The following TBL1Y variants were observed in gnomAD, a reference collection of about 807,000 sequenced individuals.
TBL1Y encodes the protein transducin beta like 1 Y-linked.
In TBL1Y, 15 loss-of-function variants were observed where a neutral mutation model predicts 12.0. That is an observed-to-expected ratio of 1.25 (90% CI 0.83 to 1.92). The LOEUF is 1.92. TBL1Y is among the 40% of genes most tolerant of loss of function. The probability of loss-of-function intolerance (pLI) is 0.00; values close to 1 mark genes in which losing one functional copy is unlikely to be tolerated. For synonymous variants in TBL1Y, 53 were observed against 42.6 expected (o/e 1.24, Z -0.95); for missense variants, 148 against 116.7 (o/e 1.27, Z -1.24).
At chrY:6,929,237 A>G (rs1020615632) in intron 2 of TBL1Y, among the ~76,000 whole-genome samples, 5 of 32,880 alleles carry the variant, frequency 1.5e-4, no homozygotes, top group Non-Finnish European at 3.8e-4. Context: ...GTCCATCAAC[A>G]TGCTGTCCAT....
At chrY:6,961,820 T>G in intron 2 of TBL1Y, among the ~76,000 whole-genome samples, 1 of 33,774 alleles carries the variant, frequency 3.0e-5, no homozygotes. Context: ...AGTTATGGCC[T>G]GTCCTTGGGG....
At chrY:6,937,444 G>A (rs2011911613) in intron 2 of TBL1Y, among the ~76,000 whole-genome samples, 1 of 32,932 alleles carries the variant, frequency 3.0e-5, no homozygotes, top group African/African-American at 1.2e-4. Flanking sequence ...GGTGGCAGAC[G>A]CCTATAATTT....
intron 2 of TBL1Y, among the ~76,000 whole-genome samples, chrY:6,951,359 T>A (rs2012023338): frequency 3.0e-5 from 1 of 33,249 alleles, no homozygotes; most frequent in Non-Finnish European, 7.4e-5. Context: ...CAATTTCAGA[T>A]CCTGTTATTG....
chrY:6,952,076 G>A (rs2012032404), intron 2 of TBL1Y, among the ~76,000 whole-genome samples: 2 of 32,902 alleles, frequency 6.1e-5, no homozygotes, highest in Non-Finnish European at 1.5e-4. Context: ...TACATTTGCC[G>A]AGGAGTGCTT....
At chrY:7,035,595 A>G (rs2012687461) in intron 6 of TBL1Y, among the ~76,000 whole-genome samples, 1 of 34,179 alleles carries the variant, frequency 2.9e-5, no homozygotes, top group African/African-American at 1.1e-4. Context: ...AATTAGGAAC[A>G]TATACACCAT....
chrY:6,926,123 G>A, intron 2 of TBL1Y, among the ~76,000 whole-genome samples: 1 of 34,039 alleles, frequency 2.9e-5, no homozygotes, highest in South Asian at 6.5e-4. Context: ...TGTGCAGGGA[G>A]AAACTATGAA....
At chrY:7,050,494 CAAAAAAAAAAAAAAAAAA>C (rs59898645) in intron 7 of TBL1Y, among the ~76,000 whole-genome samples, 1 of 527 alleles carries the variant, frequency 1.9e-3, no homozygotes, top group African/African-American at 7.7e-3. Context: ...GACTCTGTCT[CAAAAAAAAAAAAAAAAAA>C]AAAAAAAAAA....
chrY:7,031,649 TA>T, intron 6 of TBL1Y, among the ~76,000 whole-genome samples: 1 of 33,470 alleles, frequency 3.0e-5, no homozygotes, highest in South Asian at 6.8e-4. Flanking sequence ...CAGTGTGCTT[TA>T]AAAAACCTCA....
Position 7,024,768 on chromosome Y carries a change from A to C in TBL1Y, c.-50-267A>C, listed in dbSNP as rs374701164. On this transcript the variant is annotated intron_variant, in intron 5 of 18. Coordinates refer to ENST00000383032, the MANE Select transcript of TBL1Y (RefSeq NM_033284.2). ...TTGCTGGGCAGAAGCTCATTAGTTTAATTAGGTTTCTAATTGAGCCTTCCC... is the reference window on the plus strand; with the variant it reads ...TTGCTGGGCAGAAGCTCATTAGTTTCATTAGGTTTCTAATTGAGCCTTCCC... Among the ~76,000 whole-genome samples, 34 of 32,055 alleles carry C rather than the reference A, an allele frequency of 1.1e-3. No individual in the cohort carries two copies. The East Asian group carries it at 0.025, about 24-fold the overall frequency. 86.0% of individuals were successfully genotyped at this position (32,055 alleles called of 37,273 possible). A position where few individuals can be genotyped will look rare whatever the true frequency, so the allele number is the denominator to read the frequency against.
At chrY:7,067,227 A>G (rs2012992257) in intron 8 of TBL1Y, among the ~76,000 whole-genome samples, 1 of 33,263 alleles carries the variant, frequency 3.0e-5, no homozygotes, top group Admixed American at 2.7e-4. Flanking sequence ...ACTGCTTTGG[A>G]AGGCTCAGGT....
At position 7,021,491 on chromosome Y, in the gene TBL1Y, T is replaced by G; in HGVS notation, c.-97T>G. ...GCTTGCCATTTCTATGACTGGATGC[T>G]GAGAAGCCTGCTGGTTCAGAGGTCC... On this transcript the variant is annotated 5_prime_UTR_variant, in exon 5 of 19. It removes the in-frame stop codon of an upstream open reading frame in the 5' UTR. Transcript: ENST00000383032. The G allele has an allele frequency of 6.0e-5, 2 of 33,431 alleles. No individual in the cohort carries two copies. The allele number at this position is 33,431 out of a possible 400,897, so 8.3% of individuals were successfully genotyped here. A position where few individuals can be genotyped will look rare whatever the true frequency, so the allele number is the denominator to read the frequency against.
chrY:7,063,287 C>G (rs2012902794), intron 7 of TBL1Y, among the ~76,000 whole-genome samples: 3 of 33,995 alleles, frequency 8.8e-5, no homozygotes, highest in Non-Finnish European at 2.2e-4. Flanking sequence ...AGAAGGGTGA[C>G]CCCTTACAGA....
chrY:7,007,316 T>A, intron 4 of TBL1Y, among the ~76,000 whole-genome samples: 2 of 34,189 alleles, frequency 5.8e-5, no homozygotes, highest in Non-Finnish European at 1.5e-4. Context: ...AGGTTCCTTT[T>A]AAATAAATAG....
intron 2 of TBL1Y, among the ~76,000 whole-genome samples, chrY:6,957,410 C>T (rs1011824474): frequency 5.8e-5 from 2 of 34,345 alleles, no homozygotes; most frequent in Non-Finnish European, 1.5e-4. Flanking sequence ...TAAGTTACTT[C>T]GTGTCTCTCA....
chrY:6,992,050 C>T, intron 3 of TBL1Y, among the ~76,000 whole-genome samples: 1 of 33,980 alleles, frequency 2.9e-5, no homozygotes, highest in Non-Finnish European at 7.3e-5. Flanking sequence ...GCCCAAGTGG[C>T]ACTGGACGAT....
intron 3 of TBL1Y, among the ~76,000 whole-genome samples, chrY:6,990,964 C>A: frequency 6.0e-5 from 2 of 33,218 alleles, no homozygotes; most frequent in Non-Finnish European, 1.5e-4. Flanking sequence ...TTGCAGAAAT[C>A]TTTGCCTTTC....
intron 2 of TBL1Y, among the ~76,000 whole-genome samples, chrY:6,929,539 C>T (rs761932285): frequency 3.0e-5 from 1 of 33,035 alleles, no homozygotes; most frequent in East Asian, 8.4e-4. Context: ...CTTCCTGGGC[C>T]CCTGAGAGTA....
chrY:7,057,550 A>G, intron 7 of TBL1Y, among the ~76,000 whole-genome samples: 1 of 32,988 alleles, frequency 3.0e-5, no homozygotes, highest in Non-Finnish European at 7.4e-5. Context: ...AACAAGAATA[A>G]GTACACCCAT....
At chrY:6,922,799 C>A (rs2011791028) in intron 2 of TBL1Y, among the ~76,000 whole-genome samples, 1 of 34,957 alleles carries the variant, frequency 2.9e-5, no homozygotes, top group Non-Finnish European at 7.3e-5. Context: ...CCAGCCCGGG[C>A]ACTCCGGCAG....
Sources: allele counts gnomAD v4.1 joint callset (sites outside exome capture counted in the v4.1 genomes callset), GRCh38; gene constraint gnomAD v4.1.1; transcripts MANE v1.5; gene names NCBI Gene and HGNC (gene_info 2026-07-23, HGNC 2026-07-21).